Variants in PIK3C2A observed in about 807,000 individuals in gnomAD.
The protein encoded by PIK3C2A is phosphatidylinositol-4-phosphate 3-kinase catalytic subunit type 2 alpha, also known as phosphatidylinositol 4-phosphate 3-kinase C2 domain-containing subunit alpha.
In PIK3C2A, 97 loss-of-function variants were observed where a neutral mutation model predicts 204.5. The ratio of observed to expected loss-of-function variants is 0.47; its 90% CI spans 0.40 to 0.56. The LOEUF (loss-of-function observed/expected upper bound fraction) is 0.56. Among genes scored for constraint, PIK3C2A ranks in the 20% least tolerant of loss-of-function variants. The pLI, the probability that PIK3C2A is intolerant of heterozygous loss-of-function variation, is 0.00. For missense variants in PIK3C2A, 1,735 were observed against 1,969.2 expected, an observed-to-expected ratio of 0.88 and a Z score of 2.25; for synonymous variants, 653 against 664.4, an observed-to-expected ratio of 0.98 and a Z score of 0.26.
At chr11:17,158,157 C>T (rs1029818935) in intron 2 of PIK3C2A, among the ~76,000 whole-genome samples, 29 of 152,018 alleles carry the variant, frequency 1.9e-4, no homozygotes, top group African/African-American at 6.8e-4. Flanking sequence ...CAAGACCAGC[C>T]TGACCAACTG....
chr11:17,186,383 T>G (rs117006164), intron 1 of PIK3C2A, among the ~76,000 whole-genome samples: 1 of 152,068 alleles, frequency 6.6e-6, no homozygotes. Flanking sequence ...ATAAATTCCA[T>G]GAAGCTGGGA....
At chr11:17,105,615 C>A (rs1337971968) in intron 22 of PIK3C2A, among the ~76,000 whole-genome samples, 1 of 152,132 alleles carries the variant, frequency 6.6e-6, no homozygotes, top group African/African-American at 2.4e-5. Flanking sequence ...TCTCACTGTT[C>A]AACTCCCACA....
chr11:17,143,634 A>C (rs894208733), intron 8 of PIK3C2A, among the ~76,000 whole-genome samples: 7 of 152,072 alleles, frequency 4.6e-5, no homozygotes, highest in African/African-American at 7.2e-5. Flanking sequence ...AAAAAAAAAA[A>C]AAACAAAAAA....
chr11:17,158,229 TCCC>T (rs1850661615), intron 2 of PIK3C2A, among the ~76,000 whole-genome samples: 1 of 151,742 alleles, frequency 6.6e-6, no homozygotes, highest in Non-Finnish European at 1.5e-5. Flanking sequence ...ATGCCTGTAA[TCCC>T]AGCTACTCGG....
At chr11:17,147,444 G>C (rs992320463) in intron 6 of PIK3C2A, 73 bp downstream of exon 6, 27 of 803,110 alleles carry the variant, frequency 3.4e-5, no homozygotes, top group Middle Eastern at 4.6e-4. Flanking sequence ...AAATGTACAA[G>C]TTGAAAATTG....
intron 19 of PIK3C2A, among the ~76,000 whole-genome samples, chr11:17,116,978 C>G (rs930512504): frequency 6.6e-6 from 1 of 152,144 alleles, no homozygotes; most frequent in Non-Finnish European, 1.5e-5. Flanking sequence ...TATATCCACA[C>G]AATGGAATAT....
Position 17,135,122 on chromosome 11 carries a change from C to T in PIK3C2A, c.1886G>A (p.Ser629Asn), listed in dbSNP as rs1251378935. The T allele has an allele frequency of 6.2e-7, 1 of 1,614,036 alleles. No individual in the cohort carries two copies. The highest frequency in any genetic ancestry group is 1.7e-5 in the Admixed American group (1 of 60,018). ...ATTTAAACACATACCCCTAGTTGAACTCCTGCTAGTGTCTTCTCCTCCAAA... is the reference window on the plus strand; with the variant it reads ...ATTTAAACACATACCCCTAGTTGAATTCCTGCTAGTGTCTTCTCCTCCAAA... ...SLFGGEDTSR[S>N]STRGSLNPEN... The change falls in exon 10 of 33, where the codon AGT (serine) becomes AAT (asparagine). Residue 629 changes from serine to asparagine, a missense_variant. Physicochemically the swap from Ser to Asn is conservative, Grantham distance 46. Around this residue, in one of 6 missense-constraint regions of PIK3C2A, gnomAD observed 567 missense variants for 576.0 expected, o/e 0.98. Transcript: ENST00000691414.
intron 1 of PIK3C2A, among the ~76,000 whole-genome samples, chr11:17,203,580 T>C (rs1160711939): frequency 1.3e-5 from 2 of 152,134 alleles, no homozygotes; most frequent in Non-Finnish European, 1.5e-5. Flanking sequence ...ATCAAAATGA[T>C]TACAAATTAT....
At chr11:17,171,019 C>T (rs1168768630) in intron 1 of PIK3C2A, among the ~76,000 whole-genome samples, 5 of 152,108 alleles carry the variant, frequency 3.3e-5, no homozygotes, top group African/African-American at 1.2e-4. Context: ...AGGAGAATGG[C>T]ATGAACCCGG....
At position 17,117,546 on chromosome 11, in the gene PIK3C2A, T is replaced by A; in HGVS notation, c.3161A>T (p.Gln1054Leu). The change falls in exon 19 of 33, where the codon CAG becomes CTG. Residue 1054 changes from glutamine to leucine, a missense_variant. Coordinates refer to ENST00000691414, the MANE Select transcript of PIK3C2A (RefSeq NM_002645.4). ...TTTTTCTGCTACTCCTCCTAAAAGC[T>A]GTACAAGTTTCGTCTGTTTTAGAAG... is the stretch of plus-strand genomic sequence containing the variant. ...EELLKQTKLV[Q>L]LLGGVAEKVR... The A allele has an allele frequency of 6.2e-7, 1 of 1,614,002 alleles. No individual in the cohort carries two copies. Among genetic ancestry groups the A allele is most frequent in the South Asian group, 1.1e-5 (1 of 91,078 alleles).
intron 26 of PIK3C2A, among the ~76,000 whole-genome samples, chr11:17,098,728 T>G (rs1010582110): frequency 6.6e-6 from 1 of 152,240 alleles, no homozygotes; most frequent in East Asian, 1.9e-4. Flanking sequence ...ACTAGGGAAG[T>G]CCAGTCAGTG....
chr11:17,099,840 T>C lies in PIK3C2A; in HGVS notation c.4118+20A>G. The stretch of plus-strand genomic sequence containing the variant: ...GCAATATTTTATGTTCCTTCTGCAA[T>C]ATACTTAAATATGCTTTACCTAGTA... On this transcript the variant is annotated intron_variant, in intron 26 of 32. Transcript: ENST00000691414. 1.0e-6 allele frequency: 1 copy of C among 991,356 alleles called. No homozygotes were observed. Among genetic ancestry groups the C allele is most frequent in the Non-Finnish European group, 1.6e-6 (1 of 623,490 alleles). 61.4% of individuals were successfully genotyped at this position (991,356 alleles called of 1,614,324 possible). A position where few individuals can be genotyped will look rare whatever the true frequency, so the allele number is the denominator to read the frequency against.
intron 20 of PIK3C2A, among the ~76,000 whole-genome samples, chr11:17,113,781 C>CCAA (rs1555018790): frequency 2.6e-5 from 2 of 76,942 alleles, no homozygotes; most frequent in South Asian, 4.5e-4. Flanking sequence ...GACTCCATCT[C>CCAA]AAAAAAAAAA....
At chr11:17,189,204 T>C (rs1473276606) in intron 1 of PIK3C2A, among the ~76,000 whole-genome samples, 1 of 147,354 alleles carries the variant, frequency 6.8e-6, no homozygotes, top group African/African-American at 2.7e-5. Context: ...CAGACTCATC[T>C]TACTTATAAA....
chr11:17,148,638 G>T, intron 5 of PIK3C2A, 29 bp downstream of exon 5: 9 of 1,599,452 alleles, frequency 5.6e-6, no homozygotes, highest in Non-Finnish European at 6.8e-6. Context: ...AATTTCCAAG[G>T]ATGTTGCTCA....
chr11:17,168,572 CTCCT>C, intron 2 of PIK3C2A, 101 bp downstream of exon 2: 1 of 823,428 alleles, frequency 1.2e-6, no homozygotes, highest in Non-Finnish European at 1.9e-6. Flanking sequence ...CAGAGCGAGA[CTCCT>C]TCTTAAAAAC....
At chr11:17,206,639 A>G (rs1336055565) in intron 1 of PIK3C2A, among the ~76,000 whole-genome samples, 1 of 151,432 alleles carries the variant, frequency 6.6e-6, no homozygotes, top group Non-Finnish European at 1.5e-5. Flanking sequence ...CTGCTAAAGG[A>G]GTCTCTTGTG....
In PIK3C2A at chr11:17,169,573, A is replaced by G; in HGVS notation, c.169T>C (p.Leu57=). ...QVTDNQRGFE[L]SSSTRKKAQV... ...GCTTTTTTTCTGGTGCTGCTTGACAACTCAAAGCCTCTCTGATTGTCAGTC... is the reference window on the plus strand; with the variant it reads ...GCTTTTTTTCTGGTGCTGCTTGACAGCTCAAAGCCTCTCTGATTGTCAGTC... The change falls in exon 2 of 33, where the codon TTG becomes CTG. Residue 57 remains leucine, a synonymous_variant. Transcript: ENST00000691414. 6.2e-7 allele frequency: 1 copy of G among 1,614,028 alleles called. No individual in the cohort carries two copies. Among genetic ancestry groups the G allele is most frequent in the Non-Finnish European group, 8.5e-7 (1 of 1,179,996 alleles).
intron 24 of PIK3C2A, among the ~76,000 whole-genome samples, chr11:17,101,986 T>C (rs1281757238): frequency 6.6e-6 from 1 of 152,178 alleles, no homozygotes; most frequent in Non-Finnish European, 1.5e-5. Context: ...TCCTTACATA[T>C]GAAAATAAGG....
Sources: gnomAD v4.1 joint callset for allele counts (sites outside exome capture counted in the v4.1 genomes callset) on GRCh38, gnomAD v4.1.1 for gene constraint, gnomAD v4.1.1 regional missense constraint, MANE v1.5 for transcripts, NCBI Gene and HGNC (gene_info 2026-07-23, HGNC 2026-07-21) for gene names.